Variants in PMFBP1 observed in about 807,000 individuals in gnomAD.
The protein encoded by PMFBP1 is polyamine modulated factor 1 binding protein 1.
A neutral mutation model predicts 137.8 loss-of-function variants in PMFBP1; 131 were observed. The observed-to-expected ratio is 0.95, with a 90% CI of 0.82 to 1.10. The LOEUF (loss-of-function observed/expected upper bound fraction) is 1.10, where lower values mean the gene tolerates loss of function less well. Ranked by LOEUF, PMFBP1 falls within the 50% of genes least tolerant of loss-of-function variation. The pLI, the probability that PMFBP1 is intolerant of heterozygous loss-of-function variation, is 0.00. For missense variants in PMFBP1, 1,199 were observed against 1,175.4 expected, an observed-to-expected ratio of 1.02 and a Z score of -0.29; for synonymous variants, 490 against 450.4, an observed-to-expected ratio of 1.09 and a Z score of -1.11.
intron 19 of PMFBP1, 71 bp from the exon 20 acceptor site, chr16:72,120,160 C>G (rs768178804): frequency 6.2e-7 from 1 of 1,606,924 alleles, no homozygotes; most frequent in Admixed American, 1.7e-5. Flanking sequence ...CTAGAAAGGA[C>G]AGATAAAGGT....
intron 19 of PMFBP1, among the ~76,000 whole-genome samples, chr16:72,120,486 G>A (rs552553251): frequency 6.6e-6 from 1 of 152,316 alleles, no homozygotes; most frequent in Non-Finnish European, 1.5e-5. Flanking sequence ...GGTTCTCATG[G>A]CCGTGCCTTG....
chr16:72,131,387 T>C (rs2042547373), intron 10 of PMFBP1, among the ~76,000 whole-genome samples: 1 of 152,168 alleles, frequency 6.6e-6, no homozygotes, highest in East Asian at 1.9e-4. Flanking sequence ...TTTAGTGGGT[T>C]CTTGAGCAGG....
intron 4 of PMFBP1, among the ~76,000 whole-genome samples, chr16:72,152,987 A>G (rs1043012777): frequency 2.0e-5 from 3 of 152,170 alleles, no homozygotes; most frequent in Non-Finnish European, 4.4e-5. Flanking sequence ...CACAGTTGCC[A>G]TAACAGCAAC....
intron 11 of PMFBP1, 58 bp downstream of exon 11, chr16:72,130,475 C>T (rs1220527888): frequency 6.2e-6 from 10 of 1,607,886 alleles, no homozygotes; most frequent in Middle Eastern, 3.3e-4. Flanking sequence ...CCACAGAGGG[C>T]CCGGCTGGGT....
chr16:72,209,537 T>G, the PMFBP1 span, among the ~76,000 whole-genome samples: 1 of 152,212 alleles, frequency 6.6e-6, no homozygotes, highest in Admixed American at 6.5e-5. Flanking sequence ...TAACTGTATA[T>G]CATATTCTTA....
chr16:72,174,849 A>G (rs1054397002), upstream of PMFBP1, among the ~76,000 whole-genome samples: 3 of 152,178 alleles, frequency 2.0e-5, no homozygotes, highest in African/African-American at 7.2e-5. Context: ...ATCACAACAC[A>G]TGGGGATTGT....
downstream of PMFBP1, among the ~76,000 whole-genome samples, chr16:72,118,265 C>T (rs2042327920): frequency 6.6e-6 from 1 of 152,168 alleles, no homozygotes; most frequent in African/African-American, 2.4e-5. Context: ...TTCTAAACCA[C>T]ATGGGGGAAC....
At chr16:72,161,527 C>T (rs926273170) in intron 3 of PMFBP1, among the ~76,000 whole-genome samples, 6 of 152,082 alleles carry the variant, frequency 3.9e-5, no homozygotes, top group East Asian at 1.9e-4. Flanking sequence ...AGACATTCTT[C>T]TCACTAGTGA....
chr16:72,136,298 T>C (rs1036047592), intron 9 of PMFBP1, 150 bp downstream of exon 9: 8 of 859,434 alleles, frequency 9.3e-6, no homozygotes, highest in Non-Finnish European at 1.5e-5. Flanking sequence ...GTGCTTAGAA[T>C]TGAGCCTGGG....
At chr16:72,241,216 A>G in the PMFBP1 span, among the ~76,000 whole-genome samples, 1 of 152,252 alleles carries the variant, frequency 6.6e-6, no homozygotes, top group African/African-American at 2.4e-5. Context: ...ACAGCCATGA[A>G]AACCCTCATG....
chr16:72,139,348 A>G lies in PMFBP1; in HGVS notation c.859T>C (p.Cys287Arg). The G allele has an allele frequency of 5.0e-6, 8 of 1,614,194 alleles. No individual in the cohort carries two copies. Among genetic ancestry groups the G allele is most frequent in the Non-Finnish European group, 5.1e-6 (6 of 1,180,024 alleles). Residue 287 changes from cysteine to arginine, a missense_variant, in exon 7 of 21, where the codon TGT becomes CGT. By Grantham distance (180) the Cys-to-Arg change is radical (BLOSUM62 -3). Coordinates refer to ENST00000237353, the MANE Select transcript of PMFBP1 (RefSeq NM_031293.3). ...GGAGGGTATCTGTGGGTGGCTGTACAGGAAGCAAAATCGGCTTGTAGTTTT... is the reference window on the plus strand; with the variant it reads ...GGAGGGTATCTGTGGGTGGCTGTACGGGAAGCAAAATCGGCTTGTAGTTTT... ...LIKLQADFAS[C>R]TATHRYPPSS...
At chr16:72,161,460 G>A (rs988290018) in intron 3 of PMFBP1, among the ~76,000 whole-genome samples, 3 of 152,058 alleles carry the variant, frequency 2.0e-5, no homozygotes, top group African/African-American at 7.2e-5. Flanking sequence ...TACTAGCAGA[G>A]CATAGAACTG....
intron 5 of PMFBP1, among the ~76,000 whole-genome samples, chr16:72,146,621 A>T (rs2144385172): frequency 6.6e-6 from 1 of 152,278 alleles, no homozygotes; most frequent in South Asian, 2.1e-4. Flanking sequence ...ATATTTAGAA[A>T]ACCCCATCGT....
intron 9 of PMFBP1, among the ~76,000 whole-genome samples, chr16:72,134,516 C>G (rs2042595898): frequency 1.3e-5 from 2 of 152,204 alleles, no homozygotes; most frequent in African/African-American, 4.8e-5. Flanking sequence ...CAAGTCAGAT[C>G]TTTTGCCTCA....
chr16:72,139,255 T>C (rs752449492), intron 7 of PMFBP1, 34 bp downstream of exon 7: 1 of 1,498,506 alleles, frequency 6.7e-7, no homozygotes, highest in Admixed American at 1.7e-5. Flanking sequence ...CTCAGCCCGA[T>C]CCCAGTAGGC....
the PMFBP1 span, among the ~76,000 whole-genome samples, chr16:72,234,851 A>G: frequency 6.6e-6 from 1 of 152,254 alleles, no homozygotes; most frequent in South Asian, 2.1e-4. Context: ...CACTGGATAA[A>G]TTTTTATTCA....
the PMFBP1 span, among the ~76,000 whole-genome samples, chr16:72,246,863 G>C: frequency 6.6e-6 from 1 of 152,082 alleles, no homozygotes; most frequent in African/African-American, 2.4e-5. Flanking sequence ...GAGGGAGAGA[G>C]GGAAGGAATA....
chr16:72,151,317 T>C (rs1356108329), intron 4 of PMFBP1, among the ~76,000 whole-genome samples: 2 of 152,212 alleles, frequency 1.3e-5, no homozygotes, highest in African/African-American at 4.8e-5. Context: ...AATCCTTGTT[T>C]AGATTTATTT....
At chr16:72,160,850 G>A (rs1276512490) in intron 3 of PMFBP1, among the ~76,000 whole-genome samples, 15 of 152,182 alleles carry the variant, frequency 9.9e-5, no homozygotes, top group Non-Finnish European at 2.9e-5. Context: ...TATTCTTGGT[G>A]TTGAGGTCTA....
Sources: allele counts gnomAD v4.1 joint callset (sites outside exome capture counted in the v4.1 genomes callset), GRCh38; gene constraint gnomAD v4.1.1; transcripts MANE v1.5; gene names NCBI Gene and HGNC (gene_info 2026-07-23, HGNC 2026-07-21).